PPP2R3A: variants seen among roughly 807,000 people sequenced by gnomAD.
PPP2R3A encodes serine/threonine-protein phosphatase 2A regulatory subunit B'' subunit alpha.
In PPP2R3A, 80 loss-of-function variants were observed where a neutral mutation model predicts 106.9. The observed-to-expected ratio is 0.75, with a 90% CI of 0.62 to 0.90. PPP2R3A has a LOEUF of 0.90. Among genes scored for constraint, PPP2R3A ranks in the 40% least tolerant of loss-of-function variants. PPP2R3A has a pLI of 0.00. For missense variants in PPP2R3A, 1,386 were observed against 1,350.4 expected (o/e 1.03, Z -0.41); for synonymous variants, 483 against 468.3 (o/e 1.03, Z -0.41).
intron 13 of PPP2R3A, among the ~76,000 whole-genome samples, chr3:136,107,400 A>G (rs1180788691): frequency 7.2e-6 from 1 of 138,314 alleles, no homozygotes; most frequent in Non-Finnish European, 1.6e-5. Context: ...CTCTCCACCT[A>G]TCTATGTATA....
At position 136,056,661 on chromosome 3, in the gene PPP2R3A, T is replaced by G. The variant is rs1376768023; in HGVS notation, c.2469+7300T>G. ...ACATAGGGGTAAGGCTGCGTGACAC[T>G]CGTCTTAGCATTGATTTTTTTTTTG... On this transcript the variant is annotated intron_variant, in intron 5 of 13. Coordinates refer to ENST00000264977, the MANE Select transcript of PPP2R3A (RefSeq NM_002718.5). Among the ~76,000 whole-genome samples, 3 of 152,000 alleles carry G rather than the reference T, an allele frequency of 2.0e-5. No homozygotes were observed. In the East Asian group the frequency reaches 5.8e-4, roughly 29 times the overall value.
At chr3:136,067,621 T>A (rs115490492) in intron 5 of PPP2R3A, among the ~76,000 whole-genome samples, 1,647 of 152,294 alleles carry the variant, frequency 0.011, 24 homozygotes, top group African/African-American at 0.033. Context: ...CAGAAGTTCC[T>A]CCATGAGTAT....
intron 5 of PPP2R3A, among the ~76,000 whole-genome samples, chr3:136,058,446 T>C (rs554683338): frequency 6.6e-6 from 1 of 152,170 alleles, no homozygotes; most frequent in African/African-American, 2.4e-5. Flanking sequence ...TATCTAGGAA[T>C]AGCTAACTAG....
In PPP2R3A at chr3:135,967,569, T is replaced by C. The variant is rs1017720730; in HGVS notation, c.-441+1720T>C. ...GAATAATTTTGGAGTATAGGGTACT[T>C]GGGGGCACCTGTTCAAATCATAACT... On this transcript the variant is annotated intron_variant, in intron 1 of 13. Coordinates refer to ENST00000264977, the MANE Select transcript of PPP2R3A (RefSeq NM_002718.5). Among the ~76,000 whole-genome samples, 6 of 152,134 alleles carry C rather than the reference T, an allele frequency of 3.9e-5. No individual in the cohort carries two copies. The East Asian group carries it at 7.7e-4, about 20-fold the overall frequency.
rs1188689445 is a variant in PPP2R3A at position 136,090,588 on chromosome 3, A to G, written c.2848A>G (p.Ile950Val). ...FSGAVTRGKT[I>V]QKEGRMSYAD... ...ATGTGTTTTCTTTAGGGGAAAAACA[A>G]TACAGAAAGAGGGAAGAATGAGCTA... Residue 950 changes from isoleucine (I) to valine (V), a missense_variant, in exon 10 of 14, where the codon ATA becomes GTA. Ile to Val is a conservative substitution (Grantham distance 29). Coordinates refer to ENST00000264977, the MANE Select transcript of PPP2R3A (RefSeq NM_002718.5). 3.1e-6 allele frequency: 5 copies of G among 1,613,190 alleles called. No homozygotes were observed. Among genetic ancestry groups the G allele is most frequent in the East Asian group, 4.5e-5 (2 of 44,862 alleles).
intron 13 of PPP2R3A, among the ~76,000 whole-genome samples, chr3:136,128,808 A>G (rs1938287442): frequency 6.6e-6 from 1 of 152,174 alleles, no homozygotes; most frequent in African/African-American, 2.4e-5. Context: ...CAGAAATTAT[A>G]ACAAACTGTC....
chr3:136,125,230 G>T (rs1173469483), intron 13 of PPP2R3A, among the ~76,000 whole-genome samples: 2 of 152,212 alleles, frequency 1.3e-5, no homozygotes, highest in Non-Finnish European at 2.9e-5. Context: ...TGAGGCAGGA[G>T]AATTGCTTGA....
chr3:136,029,933 C>T (rs1387605111), intron 3 of PPP2R3A, among the ~76,000 whole-genome samples: 1 of 152,126 alleles, frequency 6.6e-6, no homozygotes, highest in East Asian at 1.9e-4. Flanking sequence ...GATGCGTGGC[C>T]AGGCACAGTA....
rs143315326 is a variant in PPP2R3A at position 136,106,881 on chromosome 3, T to C, written c.3329+559T>C. 2.2e-3 allele frequency: 286 copies of C among 131,228 alleles called. 2 individuals are homozygous for C. Among genetic ancestry groups the C allele is most frequent in the African/African-American group, 8.0e-3 (269 of 33,802 alleles). The allele number at this position is 131,228 out of a possible 1,614,324, so 8.1% of individuals were successfully genotyped here. ...CAGAGGTTGCAGTGAGCCGAGATCA[T>C]GCCATTGCACTCCAGCTTGGGCAAC... is the stretch of plus-strand genomic sequence containing the variant. On this transcript the variant is annotated intron_variant, in intron 13 of 13. Transcript: ENST00000264977.
In PPP2R3A at chr3:136,003,456, C is replaced by A; in HGVS notation, c.1958C>A (p.Ser653Ter). 6.2e-7 allele frequency: 1 copy of A among 1,612,904 alleles called. No homozygotes were observed. The highest frequency in any genetic ancestry group is 8.5e-7 in the Non-Finnish European group (1 of 1,179,526). Residue 653 changes from serine to a stop codon, truncating the protein, a stop_gained, in exon 2 of 14, where the codon TCA (serine) becomes TAA (stop). Coordinates refer to ENST00000264977, the MANE Select transcript of PPP2R3A (RefSeq NM_002718.5). LOFTEE classifies it high-confidence loss of function. ...PVGDKAKDTT[S>*]AVLIQQTPEV... ...GGTGATAAAGCCAAAGATACTACTTCAGCAGTTTTGATTCAGCAGACTCCA... is the reference window on the plus strand; with the variant it reads ...GGTGATAAAGCCAAAGATACTACTTAAGCAGTTTTGATTCAGCAGACTCCA...
chr3:136,128,354 A>C (rs1159630824), intron 13 of PPP2R3A, among the ~76,000 whole-genome samples: 10 of 150,948 alleles, frequency 6.6e-5, no homozygotes, highest in Non-Finnish European at 1.2e-4. Flanking sequence ...AAAAAAAAAA[A>C]GGAGGGGTTG....
intron 13 of PPP2R3A, among the ~76,000 whole-genome samples, chr3:136,127,302 C>T (rs1260687793): frequency 6.6e-6 from 1 of 152,140 alleles, no homozygotes; most frequent in Non-Finnish European, 1.5e-5. Flanking sequence ...CTAGAATAAA[C>T]AGTGTAGAGA....
intron 4 of PPP2R3A, among the ~76,000 whole-genome samples, chr3:136,042,463 G>A (rs1935321167): frequency 6.6e-6 from 1 of 152,212 alleles, no homozygotes; most frequent in East Asian, 1.9e-4. Context: ...TGTAACAGAC[G>A]TGCACATCCT....
intron 13 of PPP2R3A, among the ~76,000 whole-genome samples, chr3:136,132,536 AAAG>A (rs1938466049): frequency 6.6e-6 from 1 of 152,060 alleles, no homozygotes. Context: ...GTCATATCAA[AAAG>A]AATATGAAAA....
At chr3:135,974,363 T>C (rs1034613518) in intron 1 of PPP2R3A, among the ~76,000 whole-genome samples, 5 of 152,330 alleles carry the variant, frequency 3.3e-5, no homozygotes, top group African/African-American at 9.6e-5. Flanking sequence ...AGGAAATAAC[T>C]GCAGTAACGT....
chr3:136,117,363 G>A (rs1198916697), intron 13 of PPP2R3A, among the ~76,000 whole-genome samples: 1 of 152,052 alleles, frequency 6.6e-6, no homozygotes, highest in Non-Finnish European at 1.5e-5. Context: ...GCTAGCAGAA[G>A]CCAAGAAATA....
Position 135,969,781 on chromosome 3 carries a change from G to GA in PPP2R3A, c.-441+3937dup, listed in dbSNP as rs1440123382. On this transcript the variant is annotated intron_variant, in intron 1 of 13. Transcript: ENST00000264977. ...ATTTTAAAATCTGAAGATTTCTCAT[G>GA]AAAAATCCAGATTTGGGGTTTCTCT... 3.3e-5 allele frequency among the ~76,000 whole-genome samples: 5 copies of GA among 152,190 alleles called. 1 individual carries two copies. In the South Asian group the frequency reaches 8.3e-4, roughly 25 times the overall value.
At chr3:135,971,636 G>C (rs1279960319) in intron 1 of PPP2R3A, among the ~76,000 whole-genome samples, 1 of 152,172 alleles carries the variant, frequency 6.6e-6, no homozygotes, top group Non-Finnish European at 1.5e-5. Flanking sequence ...GCTGTCATTG[G>C]TTTATCAGTT....
chr3:135,982,073 G>A (rs932018330), intron 1 of PPP2R3A, among the ~76,000 whole-genome samples: 3 of 151,756 alleles, frequency 2.0e-5, no homozygotes, highest in Admixed American at 6.6e-5. Flanking sequence ...GGTTAGGATC[G>A]TGATTCTAAC....
Sources: allele counts gnomAD v4.1 joint callset (sites outside exome capture counted in the v4.1 genomes callset), GRCh38; gene constraint gnomAD v4.1.1; transcripts MANE v1.5; gene names NCBI Gene and HGNC (gene_info 2026-07-23, HGNC 2026-07-21).